The following ADIG variants were observed in gnomAD, a reference collection of about 807,000 sequenced individuals.
The protein encoded by ADIG is adipogenin, also known as adipogenesis associated.
Under a neutral mutation model 10.7 loss-of-function variants are expected in ADIG, and 12 were observed. The ratio of observed to expected loss-of-function variants is 1.12; its 90% CI spans 0.72 to 1.82. The LOEUF (loss-of-function observed/expected upper bound fraction) is 1.82. Among genes scored for constraint, ADIG ranks in the 40% most tolerant of loss-of-function variants. The pLI, the probability that ADIG is intolerant of heterozygous loss-of-function variation, is 0.00. For missense variants in ADIG, 72 were observed against 92.5 expected (o/e 0.78, Z 0.91); for synonymous variants, 32 against 35.6 (o/e 0.90, Z 0.36).
intron 1 of ADIG, 142 bp from the exon 2 acceptor site, chr20:38,585,887 G>C (rs1202989993): frequency 1.3e-6 from 1 of 799,184 alleles, no homozygotes; most frequent in Non-Finnish European, 2.0e-6. Context: ...GAGGCCTCAA[G>C]GCTGGCTCAT....
chr20:38,585,359 G>C, intron 1 of ADIG: 5 of 1,500,292 alleles, frequency 3.3e-6, no homozygotes, highest in Non-Finnish European at 4.5e-6. Context: ...AAACAAATTG[G>C]GGAATGGTGC....
Position 38,586,121 on chromosome 20 carries a change from C to T in ADIG, c.217C>T (p.Gln73Ter), listed in dbSNP as rs1429555278. ...EFCWKGTLHG[Q>*]EKERPCW ...TTGCTGGAAGGGGACACTCCACGGC[C>T]AAGAGAAGGAGAGGCCCTGCTGGTG... is the stretch of plus-strand genomic sequence containing the variant. Residue 73 changes from glutamine (Q) to a stop codon, truncating the protein, a stop_gained, in exon 2 of 3, where the codon CAA becomes TAA. Transcript: ENST00000537425. LOFTEE classifies it high-confidence loss of function. The T allele has an allele frequency of 6.2e-7, 1 of 1,602,390 alleles. No individual in the cohort carries two copies. Among genetic ancestry groups the T allele is most frequent in the Admixed American group, 1.7e-5 (1 of 58,382 alleles).
intron 1 of ADIG, among the ~76,000 whole-genome samples, chr20:38,584,998 G>T (rs536778144): frequency 6.6e-6 from 1 of 152,158 alleles, no homozygotes. Flanking sequence ...GGATGGTCTC[G>T]ATCTCTTGAT....
intron 1 of ADIG, 49 bp downstream of exon 1, chr20:38,581,423 A>G (rs1174179257): frequency 6.2e-7 from 1 of 1,611,930 alleles, no homozygotes; most frequent in Admixed American, 1.7e-5. Context: ...GGAGCTAGGC[A>G]GGGGGCCAAA....
intron 2 of ADIG, among the ~76,000 whole-genome samples, chr20:38,586,658 C>T (rs2088640192): frequency 6.6e-6 from 1 of 152,130 alleles, no homozygotes; most frequent in Non-Finnish European, 1.5e-5. Context: ...GCATCCAAAG[C>T]CCCAAAATAC....
intron 2 of ADIG, 84 bp downstream of exon 2, chr20:38,586,245 C>A: frequency 9.0e-7 from 1 of 1,109,160 alleles, no homozygotes; most frequent in Non-Finnish European, 1.3e-6. Flanking sequence ...AGGCTGCCTC[C>A]ACCATATTAG....
chr20:38,585,334 G>A (rs889244134), intron 1 of ADIG: 11 of 1,304,128 alleles, frequency 8.4e-6, no homozygotes, highest in African/African-American at 1.5e-5. Flanking sequence ...ACTCATTAAC[G>A]TGTGCAGGTT....
intron 2 of ADIG, 65 bp from the exon 3 acceptor site, chr20:38,588,036 C>T: frequency 8.1e-7 from 1 of 1,238,356 alleles, no homozygotes; most frequent in Non-Finnish European, 1.0e-6. Context: ...CCACGTCTGG[C>T]CTTACCCACC....
chr20:38,585,501 G>T, intron 1 of ADIG: 1 of 1,550,600 alleles, frequency 6.4e-7, no homozygotes, highest in Non-Finnish European at 8.7e-7. Context: ...CAAGCCATCA[G>T]ACGGAGGGTC....
intron 1 of ADIG, among the ~76,000 whole-genome samples, chr20:38,581,748 G>A (rs1459448137): frequency 6.6e-6 from 1 of 152,230 alleles, no homozygotes; most frequent in African/African-American, 2.4e-5. Flanking sequence ...GGGGTGCAAG[G>A]CTCTGTGAGC....
chr20:38,587,266 A>G (rs2088645806), intron 2 of ADIG, among the ~76,000 whole-genome samples: 1 of 114,818 alleles, frequency 8.7e-6, no homozygotes, highest in African/African-American at 7.3e-5. Flanking sequence ...TCTCTGCCCT[A>G]CTCTGAAGTT....
At chr20:38,581,775 T>C (rs2088593467) in intron 1 of ADIG, among the ~76,000 whole-genome samples, 2 of 152,196 alleles carry the variant, frequency 1.3e-5, no homozygotes, top group South Asian at 4.2e-4. Context: ...TGGGCTGGAT[T>C]TCAGCCCCGC....
intron 1 of ADIG, chr20:38,585,329 T>C: frequency 7.9e-7 from 1 of 1,268,914 alleles, no homozygotes; most frequent in South Asian, 1.4e-5. Flanking sequence ...AGCAAACTCA[T>C]TAACGTGTGC....
At chr20:38,582,886 C>T (rs991087894) in intron 1 of ADIG, among the ~76,000 whole-genome samples, 4 of 152,056 alleles carry the variant, frequency 2.6e-5, no homozygotes, top group East Asian at 1.9e-4. Context: ...GGCACAATCT[C>T]GGCTCACTGC....
At chr20:38,585,760 C>G in intron 1 of ADIG, 1 of 609,980 alleles carries the variant, frequency 1.6e-6, no homozygotes, top group Non-Finnish European at 2.9e-6. Flanking sequence ...ATGTCCAGTA[C>G]AGTATGTCAT....
At chr20:38,585,434 G>A (rs1453521446) in intron 1 of ADIG, 27 of 1,550,392 alleles carry the variant, frequency 1.7e-5, no homozygotes, top group Non-Finnish European at 2.3e-5. Context: ...ATATACCGTA[G>A]ATATTCTGCA....
Position 38,588,449 on chromosome 20 carries a change from C to T in ADIG, c.*363C>T, listed in dbSNP as rs1569001673. ...CAAGGGTCTTCCCATACCCGGGGGACCCCTGACAAACCTACCAGGCCTGAC... is the reference window on the plus strand; with the variant it reads ...CAAGGGTCTTCCCATACCCGGGGGATCCCTGACAAACCTACCAGGCCTGAC... On this transcript the variant is annotated 3_prime_UTR_variant, in exon 3 of 3. Transcript: ENST00000537425. The T allele has an allele frequency of 5.0e-6, 6 of 1,210,178 alleles. No individual in the cohort carries two copies. The highest frequency in any genetic ancestry group is 6.4e-6 in the Non-Finnish European group (6 of 944,802). 75.0% of individuals were successfully genotyped at this position (1,210,178 alleles called of 1,614,324 possible).
At position 38,585,724 on chromosome 20, in the gene ADIG, G is replaced by A. The variant is rs1467529557; in HGVS notation, c.125-305G>A. Reference sequence around the variant, plus strand: ...GTGGCCTGGATGGGTCAATAACTGTGTCTCTTCACTGCCTCTTCCTGGACC... The same window carrying A: ...GTGGCCTGGATGGGTCAATAACTGTATCTCTTCACTGCCTCTTCCTGGACC... On this transcript the variant is annotated intron_variant, in intron 1 of 2. Coordinates refer to ENST00000537425, the MANE Select transcript of ADIG (RefSeq NM_001393816.1). 20 of 628,124 alleles carry A rather than the reference G, an allele frequency of 3.2e-5. No individual in the cohort carries two copies. In the South Asian group the frequency reaches 4.0e-4, roughly 12 times the overall value. The allele number at this position is 628,124 out of a possible 1,614,324, so 38.9% of individuals were successfully genotyped here. A position where few individuals can be genotyped will look rare whatever the true frequency, so the allele number is the denominator to read the frequency against.
chr20:38,585,579 G>C, intron 1 of ADIG: 1 of 1,503,694 alleles, frequency 6.7e-7, no homozygotes, highest in Non-Finnish European at 9.0e-7. Context: ...TGTGGACGTG[G>C]ACACAGTTTC....
Sources: gnomAD v4.1 joint callset for allele counts (sites outside exome capture counted in the v4.1 genomes callset) on GRCh38, gnomAD v4.1.1 for gene constraint, MANE v1.5 for transcripts, NCBI Gene and HGNC (gene_info 2026-07-23, HGNC 2026-07-21) for gene names.